CCDC18: variants seen among roughly 807,000 people sequenced by gnomAD.
CCDC18 encodes coiled-coil domain containing 18.
A neutral mutation model predicts 196.0 loss-of-function variants in CCDC18; 157 were observed. The observed-to-expected ratio is 0.80, with a 90% CI of 0.70 to 0.91. The LOEUF (loss-of-function observed/expected upper bound fraction) is 0.91. Ranked by LOEUF, CCDC18 falls within the 40% of genes least tolerant of loss-of-function variation. The pLI, the probability that CCDC18 is intolerant of heterozygous loss-of-function variation, is 0.00. For synonymous variants in CCDC18, 482 were observed against 529.2 expected (o/e 0.91, Z 1.22); for missense variants, 1,465 against 1,611.6 (o/e 0.91, Z 1.56).
chr1:93,241,478 C>T (rs1358517990), intron 21 of CCDC18, among the ~76,000 whole-genome samples: 1 of 151,920 alleles, frequency 6.6e-6, no homozygotes, highest in Non-Finnish European at 1.5e-5. Context: ...AATCCCAACA[C>T]TTTGGGAGGC....
intron 4 of CCDC18, 118 bp from the exon 5 acceptor site, chr1:93,191,882 A>C: frequency 1.6e-6 from 1 of 644,314 alleles, no homozygotes; most frequent in Non-Finnish European, 2.8e-6. Context: ...GAAGCTTTAT[A>C]TCTGACCAAT....
At position 93,207,258 on chromosome 1, in the gene CCDC18, A is replaced by C; in HGVS notation, c.1069A>C (p.Lys357Gln). The change falls in exon 9 of 29, where the codon AAA (lysine) becomes CAA (glutamine). Residue 357 changes from lysine (K) to glutamine (Q), a missense_variant. Physicochemically the swap from Lys to Gln is moderately conservative, Grantham distance 53. Transcript: ENST00000690025. ...LENKDEILRD[K>Q]FSLMNENREL... The stretch of plus-strand genomic sequence containing the variant: ...GAACAAAGACGAAATACTTAGAGAC[A>C]AATTTTCTTTAATGAATGAAAACCG... 6.2e-7 allele frequency: 1 copy of C among 1,613,766 alleles called. No homozygotes were observed. The highest frequency in any genetic ancestry group is 8.5e-7 in the Non-Finnish European group (1 of 1,179,764).
intron 16 of CCDC18, among the ~76,000 whole-genome samples, chr1:93,224,020 T>TTTA (rs1657897765): frequency 6.6e-6 from 1 of 152,070 alleles, no homozygotes; most frequent in African/African-American, 2.4e-5. Flanking sequence ...AAATAAGAAA[T>TTTA]TCAATAGAGT....
intron 27 of CCDC18, among the ~76,000 whole-genome samples, chr1:93,265,269 G>A (rs765603459): frequency 3.3e-5 from 5 of 152,178 alleles, no homozygotes; most frequent in Admixed American, 6.5e-5. Flanking sequence ...TCAGGAGGCC[G>A]AGGTGGGCAG....
chr1:93,210,924 GA>G lies in CCDC18; in HGVS notation c.1333del (p.Arg445GlufsTer6). ...EANKLVISEL[R>X]IKLAIKEAEI... Reference sequence around the variant, plus strand: ...CAAATAAATTGGTGATTTCGGAATTGAGGTACAATTTTCAGATTCTGCAGTT... The same window carrying G: ...CAAATAAATTGGTGATTTCGGAATTGGGTACAATTTTCAGATTCTGCAGTT... On this transcript the variant is annotated frameshift_variant and splice_region_variant, in exon 10 of 29. Transcript: ENST00000690025. LOFTEE classifies it high-confidence loss of function. 1.2e-6 allele frequency: 2 copies of G among 1,613,344 alleles called. No individual in the cohort carries two copies. Among genetic ancestry groups the G allele is most frequent in the Non-Finnish European group, 1.7e-6 (2 of 1,179,618 alleles).
chr1:93,212,057 TAGAA>T, intron 10 of CCDC18, 40 bp from the exon 11 acceptor site: 1 of 1,518,874 alleles, frequency 6.6e-7, no homozygotes. Context: ...AGTTTTTTTA[TAGAA>T]TCTTTCTAAT....
chr1:93,210,858 C>T lies in CCDC18; in HGVS notation c.1266C>T (p.Ser422=). The T allele has an allele frequency of 6.2e-7, 1 of 1,612,086 alleles. No individual in the cohort carries two copies. The highest frequency in any genetic ancestry group is 8.5e-7 in the Non-Finnish European group (1 of 1,178,244). ...ATCTTTCTAAATACCAGATGAGTAG[C>T]TTCTCAAACAAGGAAGACCGTTGCA... ...KSYLSKYQMS[S]FSNKEDRCIG... The change falls in exon 10 of 29, where the codon AGC becomes AGT. Residue 422 remains serine (S), a synonymous_variant. Transcript: ENST00000690025.
intron 23 of CCDC18, among the ~76,000 whole-genome samples, chr1:93,247,468 G>T (rs772093715): frequency 2.0e-5 from 3 of 152,096 alleles, no homozygotes; most frequent in African/African-American, 4.8e-5. Context: ...GGGCTGGAGT[G>T]CAGTGTCATG....
intron 12 of CCDC18, among the ~76,000 whole-genome samples, chr1:93,215,455 C>CTTTTTTT (rs60117060): frequency 1.4e-5 from 2 of 139,912 alleles, no homozygotes; most frequent in African/African-American, 2.6e-5. Flanking sequence ...TTTTCTTTTT[C>CTTTTTTT]TTTTTTTTTT....
Position 93,256,455 on chromosome 1 carries a change from C to T in CCDC18, c.3463C>T (p.Arg1155Cys), listed in dbSNP as rs748023406. The T allele has an allele frequency of 3.6e-5, 58 of 1,613,856 alleles. No homozygotes were observed. In the East Asian group the frequency reaches 6.7e-4, roughly 19 times the overall value. Residue 1155 changes from arginine to cysteine, a missense_variant, in exon 25 of 29, where the codon CGT becomes TGT. Coordinates refer to ENST00000690025, the MANE Select transcript of CCDC18 (RefSeq NM_001378204.1). The stretch of plus-strand genomic sequence containing the variant: ...CTCTCATACAGAATTGGCAGAGGCT[C>T]GTCATCAGCAAGTCCAAGCACAGAG... ...QNSHTELAEA[R>C]HQQVQAQREI...
intron 4 of CCDC18, among the ~76,000 whole-genome samples, chr1:93,189,339 G>A (rs1368749235): frequency 6.6e-6 from 1 of 152,180 alleles, no homozygotes; most frequent in Non-Finnish European, 1.5e-5. Flanking sequence ...GTACTCCATT[G>A]TGTAAGTACT....
chr1:93,202,418 A>G (rs1201997006), intron 7 of CCDC18, among the ~76,000 whole-genome samples: 2 of 152,230 alleles, frequency 1.3e-5, no homozygotes, highest in Admixed American at 1.3e-4. Context: ...TTTGATATAG[A>G]AATAATAGTG....
At chr1:93,263,025 C>G (rs759891686) in intron 26 of CCDC18, among the ~76,000 whole-genome samples, 2 of 152,106 alleles carry the variant, frequency 1.3e-5, no homozygotes, top group Non-Finnish European at 2.9e-5. Flanking sequence ...TGAGCTGTAC[C>G]TTGACCCCTT....
At chr1:93,228,346 C>T (rs959312090) in intron 17 of CCDC18, among the ~76,000 whole-genome samples, 1 of 152,092 alleles carries the variant, frequency 6.6e-6, no homozygotes, top group Admixed American at 6.5e-5. Flanking sequence ...ATTGGCCAAA[C>T]CTATTTGTAA....
intron 23 of CCDC18, among the ~76,000 whole-genome samples, chr1:93,247,412 TTTTG>T (rs902047203): frequency 2.0e-5 from 3 of 152,070 alleles, no homozygotes; most frequent in Non-Finnish European, 4.4e-5. Context: ...CTTTTTTAGT[TTTTG>T]TTTTTGTTTG....
chr1:93,220,718 AT>A, intron 14 of CCDC18, among the ~76,000 whole-genome samples: 1 of 152,252 alleles, frequency 6.6e-6, no homozygotes, highest in East Asian at 1.9e-4. Context: ...TGCACAGATC[AT>A]CCCATCACTT....
intron 25 of CCDC18, among the ~76,000 whole-genome samples, chr1:93,257,680 A>G (rs1188592471): frequency 6.6e-6 from 1 of 152,114 alleles, no homozygotes; most frequent in Non-Finnish European, 1.5e-5. Flanking sequence ...TATATTATAC[A>G]TTTGGGGTTC....
chr1:93,227,972 ATAT>A lies in CCDC18; in HGVS notation c.2292+1524_2292+1526del, dbSNP rs1193555089. On this transcript the variant is annotated intron_variant, in intron 17 of 28. Transcript: ENST00000690025. ...GACCCTATCTCAAAAAAAAAAAAAA[ATAT>A]ATATATATATATATTTATTTATATT... is the stretch of plus-strand genomic sequence containing the variant. Among the ~76,000 whole-genome samples, 134 of 56,620 alleles carry A rather than the reference ATAT, an allele frequency of 2.4e-3. 1 individual carries two copies. Among genetic ancestry groups the A allele is most frequent in the African/African-American group, 0.017 (120 of 7,204 alleles). 37.1% of individuals were successfully genotyped at this position (56,620 alleles called of 152,430 possible).
intron 1 of CCDC18, 41 bp downstream of exon 1, chr1:93,180,893 G>C (rs369818718): frequency 1.3e-4 from 180 of 1,363,466 alleles, no homozygotes; most frequent in Non-Finnish European, 1.7e-4. Context: ...GTGAGCGACT[G>C]CGCCTTGGCG....
Sources: gnomAD v4.1 joint callset for allele counts (sites outside exome capture counted in the v4.1 genomes callset) on GRCh38, gnomAD v4.1.1 for gene constraint, MANE v1.5 for transcripts, NCBI Gene and HGNC (gene_info 2026-07-23, HGNC 2026-07-21) for gene names.